Variants in MCU observed in about 807,000 individuals in gnomAD.
MCU encodes the protein mitochondrial calcium uniporter.
MCU carries 12 observed loss-of-function variants against 45.2 expected under a neutral mutation model. The ratio of observed to expected loss-of-function variants is 0.27; its 90% CI spans 0.17 to 0.43. The LOEUF is 0.43. Among genes scored for constraint, MCU ranks in the 20% least tolerant of loss-of-function variants. The probability of loss-of-function intolerance (pLI) is 1.00; values close to 1 mark genes in which losing one functional copy is unlikely to be tolerated. For missense variants in MCU, 324 were observed against 436.7 expected (o/e 0.74, Z 2.30); for synonymous variants, 160 against 165.1 (o/e 0.97, Z 0.24).
intron 1 of MCU, among the ~76,000 whole-genome samples, chr10:72,714,343 G>GTTTT (rs1479850646): frequency 2.0e-5 from 1 of 49,486 alleles, no homozygotes; most frequent in Non-Finnish European, 5.6e-5. Flanking sequence ...CCCCGCCCTG[G>GTTTT]TCTTTTTTTT....
At chr10:72,831,952 C>A (rs1045809993) in intron 1 of MCU, among the ~76,000 whole-genome samples, 2 of 151,900 alleles carry the variant, frequency 1.3e-5, no homozygotes, top group Non-Finnish European at 1.5e-5. Flanking sequence ...TTTCAAAGGC[C>A]GTTAAAAGAA....
intron 6 of MCU, among the ~76,000 whole-genome samples, chr10:72,878,000 G>T (rs1370760500): frequency 6.6e-6 from 1 of 151,736 alleles, no homozygotes; most frequent in Non-Finnish European, 1.5e-5. Flanking sequence ...TGGAATACTG[G>T]TAATCCCCGA....
intron 1 of MCU, among the ~76,000 whole-genome samples, chr10:72,811,499 C>T (rs1040280706): frequency 1.3e-5 from 2 of 152,106 alleles, no homozygotes; most frequent in African/African-American, 4.8e-5. Flanking sequence ...CCTGTGGGGT[C>T]CCTTCAGATT....
intron 4 of MCU, among the ~76,000 whole-genome samples, chr10:72,861,284 C>T (rs1326036372): frequency 2.0e-5 from 3 of 152,040 alleles, no homozygotes; most frequent in African/African-American, 7.2e-5. Flanking sequence ...CTCTGTCCTC[C>T]CAGAGTGTTG....
chr10:72,767,162 A>T (rs931926782), intron 1 of MCU: 2 of 152,180 alleles, frequency 1.3e-5, no homozygotes, highest in African/African-American at 4.8e-5. Flanking sequence ...TTTTGTGAAA[A>T]GGATGATTTC....
rs1014055748 is a variant in MCU, at chr10:72,887,333, C to G, written c.*1511C>G. On this transcript the variant is annotated 3_prime_UTR_variant, in exon 8 of 8. Coordinates refer to ENST00000373053, the MANE Select transcript of MCU (RefSeq NM_138357.3). Reference sequence around the variant, plus strand: ...TGCTGCTGCTACTCCTGCCAACACCCCTTTCATTGGCATGACGGAATGAAA... The same window carrying G: ...TGCTGCTGCTACTCCTGCCAACACCGCTTTCATTGGCATGACGGAATGAAA... The G allele has an allele frequency of 6.5e-6, 1 of 152,748 alleles. No homozygotes were observed. Among genetic ancestry groups the G allele is most frequent in the African/African-American group, 2.4e-5 (1 of 41,434 alleles). The allele number at this position is 152,748 out of a possible 1,614,324, so 9.5% of individuals were successfully genotyped here.
rs542767851 is a variant in MCU, at chr10:72,803,402, A to G, written c.151-30957A>G. On this transcript the variant is annotated intron_variant, in intron 1 of 7. Transcript: ENST00000373053. Reference sequence around the variant, plus strand: ...AATGCAGAAATAGAAACAATTGACAAATGCTTGCCACAAAGAAAAAATTCC... The same window carrying G: ...AATGCAGAAATAGAAACAATTGACAGATGCTTGCCACAAAGAAAAAATTCC... Among the ~76,000 whole-genome samples the G allele has an allele frequency of 5.9e-5, 9 of 151,882 alleles. No individual in the cohort carries two copies. In the South Asian group the frequency reaches 1.5e-3, roughly 25 times the overall value.
intron 1 of MCU, among the ~76,000 whole-genome samples, chr10:72,780,511 A>AGTGTGTGT (rs60306247): frequency 0.081 from 8,964 of 110,568 alleles, 535 homozygotes; most frequent in African/African-American, 0.094. Flanking sequence ...TCTTTGGCTA[A>AGTGTGTGT]GTGTGTGTGT....
intron 1 of MCU, among the ~76,000 whole-genome samples, chr10:72,815,940 C>T (rs1844618645): frequency 6.6e-6 from 1 of 151,948 alleles, no homozygotes; most frequent in African/African-American, 2.4e-5. Context: ...AATGTTATTC[C>T]TTCATAGCAA....
intron 1 of MCU, among the ~76,000 whole-genome samples, chr10:72,733,349 T>A (rs2132687195): frequency 6.6e-6 from 1 of 152,218 alleles, no homozygotes; most frequent in Admixed American, 6.5e-5. Flanking sequence ...CCCAGTTACT[T>A]GGGAGACTGA....
At chr10:72,813,888 A>G (rs943389810) in intron 1 of MCU, among the ~76,000 whole-genome samples, 2 of 152,114 alleles carry the variant, frequency 1.3e-5, no homozygotes, top group East Asian at 3.8e-4. Context: ...CTGCAGGTCT[A>G]TTTAGTCTAT....
At chr10:72,717,101 A>G (rs1020454593) in intron 1 of MCU, among the ~76,000 whole-genome samples, 1 of 148,002 alleles carries the variant, frequency 6.8e-6, no homozygotes, top group African/African-American at 2.5e-5. Flanking sequence ...AAAGGTGCAC[A>G]GTCTATTTCC....
At chr10:72,880,278 G>GA (rs979678630) in intron 6 of MCU, among the ~76,000 whole-genome samples, 1 of 152,108 alleles carries the variant, frequency 6.6e-6, no homozygotes, top group African/African-American at 2.4e-5. Context: ...TTTTGTACAT[G>GA]AAAAAATACA....
At chr10:72,766,286 A>G (rs1843725689) in intron 1 of MCU, among the ~76,000 whole-genome samples, 1 of 152,192 alleles carries the variant, frequency 6.6e-6, no homozygotes, top group East Asian at 1.9e-4. Flanking sequence ...TAAGTATGAC[A>G]AGACTAGATT....
At chr10:72,849,275 CAAA>C (rs60515928) in intron 2 of MCU, among the ~76,000 whole-genome samples, 3,471 of 109,662 alleles carry the variant, frequency 0.032, 51 homozygotes, top group Non-Finnish European at 0.041. Flanking sequence ...AGCAAGACTC[CAAA>C]AAAAAAAAAA....
At chr10:72,820,582 C>A (rs1844696308) in intron 1 of MCU, among the ~76,000 whole-genome samples, 1 of 151,608 alleles carries the variant, frequency 6.6e-6, no homozygotes. Context: ...GCGATCTTGG[C>A]TCACTGCAAC....
intron 1 of MCU, among the ~76,000 whole-genome samples, chr10:72,753,543 C>G (rs1044816368): frequency 6.6e-6 from 1 of 152,142 alleles, no homozygotes; most frequent in African/African-American, 2.4e-5. Context: ...TATTAAGTAC[C>G]TGGCACCTTA....
chr10:72,759,454 T>C lies in MCU; in HGVS notation c.150+67153T>C, dbSNP rs186443515. Among the ~76,000 whole-genome samples, 32 of 152,282 alleles carry C rather than the reference T, an allele frequency of 2.1e-4. No individual in the cohort carries two copies. The East Asian group carries it at 6.0e-3, about 28-fold the overall frequency. On this transcript the variant is annotated intron_variant, in intron 1 of 7. Transcript: ENST00000373053. Reference sequence around the variant, plus strand: ...GGTGTGGCACCAGGCTGTCTGCTTGTGGATTTCATTTCTGCCTTTTAGTTT... The same window carrying C: ...GGTGTGGCACCAGGCTGTCTGCTTGCGGATTTCATTTCTGCCTTTTAGTTT...
At chr10:72,780,511 AGTGTGTGTGTGTGTGT>A (rs60306247) in intron 1 of MCU, among the ~76,000 whole-genome samples, 4 of 110,652 alleles carry the variant, frequency 3.6e-5, no homozygotes, top group Admixed American at 1.0e-4. Flanking sequence ...TCTTTGGCTA[AGTGTGTGTGTGTGTGT>A]GTGTGTGTGT....
Sources: gnomAD v4.1 joint callset for allele counts (sites outside exome capture counted in the v4.1 genomes callset) on GRCh38, gnomAD v4.1.1 for gene constraint, MANE v1.5 for transcripts, NCBI Gene and HGNC (gene_info 2026-07-23, HGNC 2026-07-21) for gene names.